The following GOPC variants were observed in gnomAD, a reference collection of about 807,000 sequenced individuals.
GOPC encodes the protein Golgi-associated PDZ and coiled-coil motif-containing protein.
GOPC carries 32 observed loss-of-function variants against 51.2 expected under a neutral mutation model. That is an observed-to-expected ratio of 0.63 (90% CI 0.47 to 0.84). GOPC has a LOEUF of 0.84. Among genes scored for constraint, GOPC ranks in the 40% least tolerant of loss-of-function variants. GOPC has a pLI of 0.00. For missense variants in GOPC, 441 were observed against 555.5 expected (o/e 0.79, Z 2.07); for synonymous variants, 190 against 205.1 (o/e 0.93, Z 0.63).
chr6:117,572,280 A>C (rs1269754600), intron 5 of GOPC, among the ~76,000 whole-genome samples: 1 of 152,042 alleles, frequency 6.6e-6, no homozygotes, highest in African/African-American at 2.4e-5. Context: ...CTTTTTCACT[A>C]TTTAACCAAA....
chr6:117,580,186 G>A (rs1194376068), intron 1 of GOPC, among the ~76,000 whole-genome samples: 1 of 151,932 alleles, frequency 6.6e-6, no homozygotes, highest in Non-Finnish European at 1.5e-5. Flanking sequence ...GCATAGATAG[G>A]GATCAGATAA....
chr6:117,563,407 A>C, intron 8 of GOPC, 23 bp from the exon 9 acceptor site: 1 of 1,611,246 alleles, frequency 6.2e-7, no homozygotes, highest in Non-Finnish European at 8.5e-7. Context: ...AGAAAAAAAA[A>C]GCAGACACTT....
At chr6:117,567,065 A>G in intron 7 of GOPC, 31 bp from the exon 8 acceptor site, 1 of 1,493,160 alleles carries the variant, frequency 6.7e-7, no homozygotes. Context: ...GAGAAAGTCA[A>G]GTTATTGTAA....
chr6:117,562,482 A>C lies in GOPC; in HGVS notation c.*772T>G. The C allele has an allele frequency of 4.9e-6, 1 of 203,504 alleles. No individual in the cohort carries two copies. 12.6% of individuals were successfully genotyped at this position (203,504 alleles called of 1,614,324 possible). A position where few individuals can be genotyped will look rare whatever the true frequency, so the allele number is the denominator to read the frequency against. ...AAACAAGCATTTGAGGCTCAACATG[A>C]ATGGGTAAATGCTCCAGTACTGCGC... On this transcript the variant is annotated 3_prime_UTR_variant, in exon 9 of 9. Transcript: ENST00000368498.
At position 117,563,056 on chromosome 6, in the gene GOPC, CAAT is replaced by C. The variant is rs1779617956; in HGVS notation, c.*195_*197del. The C allele has an allele frequency of 9.3e-6, 5 of 538,442 alleles. No individual in the cohort carries two copies. Among genetic ancestry groups the C allele is most frequent in the Non-Finnish European group, 1.6e-5 (5 of 304,524 alleles). 33.4% of individuals were successfully genotyped at this position (538,442 alleles called of 1,614,324 possible). A position where few individuals can be genotyped will look rare whatever the true frequency, so the allele number is the denominator to read the frequency against. ...AAGAAAATCAAAATTGCTTTACATG[CAAT>C]AGCTAATTATGGTCTACCACAGAAA... On this transcript the variant is annotated 3_prime_UTR_variant, in exon 9 of 9. Coordinates refer to ENST00000368498, the MANE Select transcript of GOPC (RefSeq NM_020399.4).
At position 117,563,218 on chromosome 6, in the gene GOPC, G is replaced by C; in HGVS notation, c.*36C>G. 1 of 1,592,766 alleles carries C rather than the reference G, an allele frequency of 6.3e-7. No homozygotes were observed. The highest frequency in any genetic ancestry group is 8.6e-7 in the Non-Finnish European group (1 of 1,162,648). ...TCCCCAGTGCCCCAAATTCAGAATA[G>C]TCTGATTAACAATCTTGTCTGGAGA... On this transcript the variant is annotated 3_prime_UTR_variant, in exon 9 of 9. Transcript: ENST00000368498.
chr6:117,575,071 T>A (rs867150976), intron 4 of GOPC, 106 bp downstream of exon 4: 1 of 862,798 alleles, frequency 1.2e-6, no homozygotes. Flanking sequence ...AGAGCAAGAC[T>A]CCATCTCAAA....
At position 117,573,631 on chromosome 6, in the gene GOPC, C is replaced by T. The variant is rs1395745227; in HGVS notation, c.652G>A (p.Val218Ile). 2.5e-6 allele frequency: 4 copies of T among 1,608,362 alleles called. No homozygotes were observed. The highest frequency in any genetic ancestry group is 1.1e-5 in the South Asian group (1 of 89,832). The change falls in exon 5 of 9, where the codon GTC becomes ATC. Residue 218 changes from valine (V) to isoleucine (I), a missense_variant and splice_region_variant. Coordinates refer to ENST00000368498, the MANE Select transcript of GOPC (RefSeq NM_020399.4). ...CGTCCTAGCAATTGTATCTGTTGGA[C>T]CCTTCATATTGGGAAAAGAGTACAT... ...KYLDKELAGR[V>I]QQIQLLGRDM...
chr6:117,596,929 G>A (rs749978686), intron 1 of GOPC, among the ~76,000 whole-genome samples: 1 of 151,952 alleles, frequency 6.6e-6, no homozygotes, highest in African/African-American at 2.4e-5. Flanking sequence ...GAAGAATGAT[G>A]GTGGTATTTT....
chr6:117,583,740 G>A (rs1195005116), intron 1 of GOPC, among the ~76,000 whole-genome samples: 1 of 151,886 alleles, frequency 6.6e-6, no homozygotes, highest in Non-Finnish European at 1.5e-5. Flanking sequence ...TCTTTTGACT[G>A]TATTTTAAGG....
chr6:117,598,607 T>A (rs1771925866), intron 1 of GOPC, among the ~76,000 whole-genome samples: 1 of 152,174 alleles, frequency 6.6e-6, no homozygotes, highest in Non-Finnish European at 1.5e-5. Flanking sequence ...ATACCTCGCA[T>A]GTGCAGTTCA....
At chr6:117,591,275 C>CA (rs924123687) in intron 1 of GOPC, among the ~76,000 whole-genome samples, 2 of 152,016 alleles carry the variant, frequency 1.3e-5, no homozygotes, top group Admixed American at 6.6e-5. Flanking sequence ...GCAAAGAATA[C>CA]AAAAAACAAA....
intron 1 of GOPC, among the ~76,000 whole-genome samples, chr6:117,593,849 C>G (rs1269776124): frequency 6.6e-6 from 1 of 152,174 alleles, no homozygotes; most frequent in Non-Finnish European, 1.5e-5. Context: ...TCCCTCTGTT[C>G]CAATCCATCT....
intron 1 of GOPC, among the ~76,000 whole-genome samples, chr6:117,593,624 AG>A (rs1409945155): frequency 6.6e-6 from 1 of 152,150 alleles, no homozygotes. Flanking sequence ...ATCCCTGTAA[AG>A]TTGGAGTAAC....
At chr6:117,564,114 G>A (rs1779645205) in intron 8 of GOPC, among the ~76,000 whole-genome samples, 1 of 151,852 alleles carries the variant, frequency 6.6e-6, no homozygotes, top group South Asian at 2.1e-4. Context: ...AGTAGCTGGA[G>A]CTACAAGCAT....
In GOPC at chr6:117,563,317, C is replaced by G. The variant is rs146035577; in HGVS notation, c.1326G>C (p.Pro442=). 1 of 1,612,776 alleles carries G rather than the reference C, an allele frequency of 6.2e-7. No individual in the cohort carries two copies. The highest frequency in any genetic ancestry group is 8.5e-7 in the Non-Finnish European group (1 of 1,178,950). Residue 442 remains proline (P), a synonymous_variant, in exon 9 of 9, where the codon CCG becomes CCC. Coordinates refer to ENST00000368498, the MANE Select transcript of GOPC (RefSeq NM_020399.4). ...CTAATTTTGAAGCACCGTCATCTAG[C>G]GGAGTTTCACTTGCAGTGCCCAGGT... ...NGDLGTASET[P]LDDGASKLDD...
In GOPC at chr6:117,563,195, C is replaced by T; in HGVS notation, c.*59G>A. On this transcript the variant is annotated 3_prime_UTR_variant, in exon 9 of 9. Coordinates refer to ENST00000368498, the MANE Select transcript of GOPC (RefSeq NM_020399.4). ...TTTTGTAGTCTTTGTCACCATCTTC[C>T]CCAGTGCCCCAAATTCAGAATAGTC... is the stretch of plus-strand genomic sequence containing the variant. The T allele has an allele frequency of 2.0e-6, 3 of 1,516,818 alleles. No individual in the cohort carries two copies. Among genetic ancestry groups the T allele is most frequent in the Non-Finnish European group, 2.7e-6 (3 of 1,100,668 alleles). 94.0% of individuals were successfully genotyped at this position (1,516,818 alleles called of 1,614,324 possible).
At position 117,577,491 on chromosome 6, in the gene GOPC, G is replaced by A; in HGVS notation, c.451-20C>T. 1 of 1,577,826 alleles carries A rather than the reference G, an allele frequency of 6.3e-7. No homozygotes were observed. The highest frequency in any genetic ancestry group is 8.6e-7 in the Non-Finnish European group (1 of 1,158,266). On this transcript the variant is annotated intron_variant, in intron 2 of 8. Coordinates refer to ENST00000368498, the MANE Select transcript of GOPC (RefSeq NM_020399.4). Reference sequence around the variant, plus strand: ...GCCAGACTTCAGATATAAGAAAAAAGTTTTATAATTAGAAAAAGATCAAAC... The same window carrying A: ...GCCAGACTTCAGATATAAGAAAAAAATTTTATAATTAGAAAAAGATCAAAC...
chr6:117,600,546 G>A (rs1456704616), intron 1 of GOPC, among the ~76,000 whole-genome samples: 2 of 152,178 alleles, frequency 1.3e-5, no homozygotes, highest in Admixed American at 1.3e-4. Context: ...GCTCATGTCT[G>A]TAATCAAAGC....
Sources: gnomAD v4.1 joint callset for allele counts (sites outside exome capture counted in the v4.1 genomes callset) on GRCh38, gnomAD v4.1.1 for gene constraint, MANE v1.5 for transcripts, NCBI Gene and HGNC (gene_info 2026-07-23, HGNC 2026-07-21) for gene names.